PLCL1: variants seen among roughly 807,000 people sequenced by gnomAD.
PLCL1 encodes phospholipase C like 1 (inactive).
A neutral mutation model predicts 84.4 loss-of-function variants in PLCL1; 41 were observed. The ratio of observed to expected loss-of-function variants is 0.49; its 90% CI spans 0.38 to 0.63. The LOEUF is 0.63. PLCL1 is among the 30% of genes least tolerant of loss of function. The pLI, the probability that PLCL1 is intolerant of heterozygous loss-of-function variation, is 0.00. For missense variants in PLCL1, 1,206 were observed against 1,367.8 expected, an observed-to-expected ratio of 0.88 and a Z score of 1.87; for synonymous variants, 490 against 488.3, an observed-to-expected ratio of 1.00 and a Z score of -0.05.
chr2:197,931,323 T>C (rs1688926924), intron 1 of PLCL1, among the ~76,000 whole-genome samples: 2 of 152,182 alleles, frequency 1.3e-5, no homozygotes, highest in African/African-American at 4.8e-5. Flanking sequence ...TGCTATCATT[T>C]ATAGTGCTCT....
chr2:197,818,792 A>G (rs1028139080), intron 1 of PLCL1, among the ~76,000 whole-genome samples: 1 of 151,994 alleles, frequency 6.6e-6, no homozygotes, highest in East Asian at 1.9e-4. Context: ...AAAGACACTG[A>G]GTTACTGGAC....
Position 198,121,175 on chromosome 2 carries a change from C to T in PLCL1, c.3105+17239C>T, listed in dbSNP as rs930125517. ...TTTAATCAGATTATTAGAGTTTTTCCTACAGAATTGTTTGAGCTCCTTATG... is the reference window on the plus strand; with the variant it reads ...TTTAATCAGATTATTAGAGTTTTTCTTACAGAATTGTTTGAGCTCCTTATG... On this transcript the variant is annotated intron_variant, in intron 5 of 5. Transcript: ENST00000428675. 2.6e-5 allele frequency among the ~76,000 whole-genome samples: 4 copies of T among 151,922 alleles called. 1 individual carries two copies. Among genetic ancestry groups the T allele is most frequent in the African/African-American group, 7.3e-5 (3 of 41,378 alleles).
chr2:197,876,305 G>A (rs927064976), intron 1 of PLCL1, among the ~76,000 whole-genome samples: 6 of 152,120 alleles, frequency 3.9e-5, no homozygotes, highest in African/African-American at 1.2e-4. Context: ...GGCTGGTAAC[G>A]AGCTTCTTAG....
intron 1 of PLCL1, among the ~76,000 whole-genome samples, chr2:197,947,237 A>ACTATATATATATATATATATAT (rs1689294732): frequency 7.0e-6 from 1 of 142,750 alleles, no homozygotes; most frequent in African/African-American, 2.6e-5. Context: ...TGCTTAGATA[A>ACTATATATATATATATATATAT]ATATATATAT....
intron 5 of PLCL1, among the ~76,000 whole-genome samples, chr2:198,108,608 G>GA (rs35268804): frequency 6.6e-6 from 1 of 151,760 alleles, no homozygotes; most frequent in African/African-American, 2.4e-5. Context: ...AAAAGCTGGA[G>GA]AAAAAAATTG....
chr2:197,883,082 T>C (rs902201319), intron 1 of PLCL1, among the ~76,000 whole-genome samples: 1 of 152,192 alleles, frequency 6.6e-6, no homozygotes, highest in African/African-American at 2.4e-5. Flanking sequence ...GAGAGGATTC[T>C]AGACATTGCA....
chr2:197,906,021 G>T (rs1013139059), intron 1 of PLCL1, among the ~76,000 whole-genome samples: 2 of 152,122 alleles, frequency 1.3e-5, no homozygotes, highest in African/African-American at 4.8e-5. Context: ...TAGGTAGCCT[G>T]TTCACTCTGA....
chr2:197,887,742 A>T (rs1337498684), intron 1 of PLCL1, among the ~76,000 whole-genome samples: 1 of 152,038 alleles, frequency 6.6e-6, no homozygotes, highest in Non-Finnish European at 1.5e-5. Flanking sequence ...CCCTCCCACC[A>T]TTCCGAGTCT....
intron 1 of PLCL1, among the ~76,000 whole-genome samples, chr2:197,931,440 C>T (rs992088192): frequency 3.2e-4 from 48 of 152,184 alleles, no homozygotes; most frequent in African/African-American, 1.1e-3. Context: ...ACTTATAAGG[C>T]AGTCTACACC....
At chr2:198,088,017 C>G (rs898190678) in intron 2 of PLCL1, among the ~76,000 whole-genome samples, 4 of 152,068 alleles carry the variant, frequency 2.6e-5, no homozygotes, top group African/African-American at 4.8e-5. Context: ...AATTCTAGTA[C>G]TATTATAAAT....
At chr2:197,862,671 T>C (rs535061143) in intron 1 of PLCL1, among the ~76,000 whole-genome samples, 16 of 152,280 alleles carry the variant, frequency 1.1e-4, no homozygotes, top group Admixed American at 2.6e-4. Context: ...ATCCCTGTAT[T>C]CTTTTGGTTT....
intron 1 of PLCL1, among the ~76,000 whole-genome samples, chr2:197,821,026 G>A (rs1030810810): frequency 6.6e-6 from 1 of 152,100 alleles, no homozygotes; most frequent in Non-Finnish European, 1.5e-5. Flanking sequence ...GATGATTAAG[G>A]TAGATTATTT....
chr2:198,048,764 A>G (rs1196185020), intron 1 of PLCL1, among the ~76,000 whole-genome samples: 1 of 152,206 alleles, frequency 6.6e-6, no homozygotes, highest in Non-Finnish European at 1.5e-5. Flanking sequence ...TGGAGATCAT[A>G]TTTCAACATG....
At chr2:198,081,981 A>G (rs1692724529) in intron 1 of PLCL1, among the ~76,000 whole-genome samples, 1 of 152,218 alleles carries the variant, frequency 6.6e-6, no homozygotes, top group Non-Finnish European at 1.5e-5. Flanking sequence ...TTTTCAATTT[A>G]TCACCGAAGA....
At chr2:197,922,992 G>A (rs1322499041) in intron 1 of PLCL1, among the ~76,000 whole-genome samples, 60 of 106,564 alleles carry the variant, frequency 5.6e-4, no homozygotes, top group Admixed American at 1.2e-3. Context: ...GCGGCTGGCC[G>A]GGCAGAGGGG....
intron 1 of PLCL1, among the ~76,000 whole-genome samples, chr2:198,047,784 G>C (rs1052266332): frequency 1.3e-5 from 2 of 152,142 alleles, no homozygotes; most frequent in African/African-American, 2.4e-5. Flanking sequence ...ATTTACATTT[G>C]GTTTTGTATC....
At chr2:197,992,851 C>T (rs939917124) in intron 1 of PLCL1, among the ~76,000 whole-genome samples, 1 of 152,044 alleles carries the variant, frequency 6.6e-6, no homozygotes, top group Non-Finnish European at 1.5e-5. Flanking sequence ...AGCATGTGTT[C>T]AAAATTTTCT....
intron 1 of PLCL1, among the ~76,000 whole-genome samples, chr2:197,949,323 G>A (rs1195805677): frequency 6.6e-6 from 1 of 152,142 alleles, no homozygotes; most frequent in African/African-American, 2.4e-5. Context: ...GAATGAGCAG[G>A]TGGAATCTCT....
chr2:197,883,681 A>G (rs538780171), intron 1 of PLCL1, among the ~76,000 whole-genome samples: 10 of 152,342 alleles, frequency 6.6e-5, no homozygotes, highest in African/African-American at 2.2e-4. Flanking sequence ...TACAATGGAA[A>G]TAAACCTAGG....
Sources: allele counts gnomAD v4.1 joint callset (sites outside exome capture counted in the v4.1 genomes callset), GRCh38; gene constraint gnomAD v4.1.1; transcripts MANE v1.5; gene names NCBI Gene and HGNC (gene_info 2026-07-23, HGNC 2026-07-21).